The following WASF3 variants were observed in gnomAD, a reference collection of about 807,000 sequenced individuals.
The protein encoded by WASF3 is actin-binding protein WASF3.
Under a neutral mutation model 46.6 loss-of-function variants are expected in WASF3, and 11 were observed. The observed-to-expected ratio is 0.24, with a 90% CI of 0.15 to 0.39. WASF3 has a LOEUF of 0.39. Ranked by LOEUF, WASF3 falls within the 10% of genes least tolerant of loss-of-function variation. The pLI, the probability that WASF3 is intolerant of heterozygous loss-of-function variation, is 1.00. For missense variants in WASF3, 576 were observed against 669.8 expected (o/e 0.86, Z 1.55); for synonymous variants, 242 against 259.7 (o/e 0.93, Z 0.65).
intron 3 of WASF3, among the ~76,000 whole-genome samples, chr13:26,657,872 A>T (rs1157943483): frequency 6.6e-6 from 1 of 152,210 alleles, no homozygotes; most frequent in Non-Finnish European, 1.5e-5. Context: ...CTCTTCAGAC[A>T]CTTGTCAGCT....
At chr13:26,667,745 C>A in intron 5 of WASF3, 75 bp downstream of exon 5, 1 of 1,435,708 alleles carries the variant, frequency 7.0e-7, no homozygotes, top group South Asian at 1.4e-5. Flanking sequence ...CAAGCTGATG[C>A]ATTGTGTGGG....
chr13:26,661,321 C>T (rs967914613), intron 3 of WASF3, among the ~76,000 whole-genome samples: 11 of 152,336 alleles, frequency 7.2e-5, no homozygotes, highest in African/African-American at 2.2e-4. Flanking sequence ...TCTCCTGTCT[C>T]TATGAAATGG....
At chr13:26,674,826 T>C (rs1234003503) in intron 6 of WASF3, among the ~76,000 whole-genome samples, 1 of 152,252 alleles carries the variant, frequency 6.6e-6, no homozygotes, top group African/African-American at 2.4e-5. Context: ...AAAGATAGAA[T>C]TATATTGCCC....
intron 3 of WASF3, among the ~76,000 whole-genome samples, chr13:26,651,903 T>C (rs4255634): frequency 1.3e-5 from 2 of 152,194 alleles, no homozygotes; most frequent in African/African-American, 4.8e-5. Context: ...GAGTTAAGGG[T>C]ACATAGTATA....
At chr13:26,642,549 C>A in intron 3 of WASF3, 146 bp downstream of exon 3, 1 of 1,001,788 alleles carries the variant, frequency 1.0e-6, no homozygotes, top group Non-Finnish European at 1.4e-6. Context: ...TGAAATTGAC[C>A]ACTGCACCTG....
At chr13:26,633,596 T>C (rs1593160157) in intron 2 of WASF3, among the ~76,000 whole-genome samples, 1 of 152,368 alleles carries the variant, frequency 6.6e-6, no homozygotes, top group Non-Finnish European at 1.5e-5. Context: ...GTGTCGATTT[T>C]AGATCTTTCC....
At chr13:26,556,742 T>G (rs1879106007), upstream of WASF3, among the ~76,000 whole-genome samples, 1 of 152,244 alleles carries the variant, frequency 6.6e-6, no homozygotes. Flanking sequence ...ATTACACATC[T>G]GTAAAGAAAA....
chr13:26,636,385 G>A (rs754076682), intron 2 of WASF3, among the ~76,000 whole-genome samples: 6 of 152,318 alleles, frequency 3.9e-5, no homozygotes, highest in Admixed American at 3.3e-4. Flanking sequence ...GTATTTGGGC[G>A]GAAGTGCCCT....
chr13:26,649,208 C>T (rs1301819227), intron 3 of WASF3, among the ~76,000 whole-genome samples: 2 of 152,130 alleles, frequency 1.3e-5, no homozygotes, highest in Non-Finnish European at 2.9e-5. Flanking sequence ...TGGGAGTAAA[C>T]ATTCTCTGTT....
upstream of WASF3, among the ~76,000 whole-genome samples, chr13:26,554,111 C>CTT (rs1555245935): frequency 1.6e-5 from 2 of 122,528 alleles, no homozygotes; most frequent in African/African-American, 3.3e-5. Flanking sequence ...TTCTTTCTTT[C>CTT]TTTCTTTCTT....
At chr13:26,652,262 A>G (rs1234423255) in intron 3 of WASF3, among the ~76,000 whole-genome samples, 1 of 152,204 alleles carries the variant, frequency 6.6e-6, no homozygotes, top group South Asian at 2.1e-4. Flanking sequence ...ATGTCAGATA[A>G]AATAGAATAT....
intron 1 of WASF3, among the ~76,000 whole-genome samples, chr13:26,600,559 A>G (rs1167529715): frequency 6.6e-6 from 1 of 152,176 alleles, no homozygotes; most frequent in Non-Finnish European, 1.5e-5. Context: ...AATCCTGGTT[A>G]GCTTTTCATC....
At chr13:26,662,286 G>C (rs1296566737) in intron 3 of WASF3, among the ~76,000 whole-genome samples, 1 of 152,220 alleles carries the variant, frequency 6.6e-6, no homozygotes, top group African/African-American at 2.4e-5. Context: ...ATTCCGTCCA[G>C]CAATTCCATT....
chr13:26,661,972 G>A (rs1191171347), intron 3 of WASF3, among the ~76,000 whole-genome samples: 1 of 152,176 alleles, frequency 6.6e-6, no homozygotes, highest in Non-Finnish European at 1.5e-5. Flanking sequence ...CTACTGTGAG[G>A]AAGGGGGTGC....
intron 1 of WASF3, among the ~76,000 whole-genome samples, chr13:26,585,399 A>G (rs1880100245): frequency 6.6e-6 from 1 of 151,552 alleles, no homozygotes; most frequent in African/African-American, 2.4e-5. Flanking sequence ...CTTTGAGAAA[A>G]ATCATATGGT....
rs1269505142 is a variant in WASF3, at chr13:26,686,361, A to G, written c.*516A>G. 6.5e-6 allele frequency: 1 copy of G among 152,806 alleles called. No homozygotes were observed. The highest frequency in any genetic ancestry group is 1.5e-5 in the Non-Finnish European group (1 of 68,432). The allele number at this position is 152,806 out of a possible 1,614,324, so 9.5% of individuals were successfully genotyped here. On this transcript the variant is annotated 3_prime_UTR_variant, in exon 10 of 10. Transcript: ENST00000335327. ...AAGGTTCAACAAACAGGGAGAATCC[A>G]GTGTTTCTGCTTTCAGTTTCTTGGC... is the stretch of plus-strand genomic sequence containing the variant.
intron 5 of WASF3, 143 bp from the exon 6 acceptor site, chr13:26,671,729 T>TA: frequency 2.1e-6 from 1 of 483,136 alleles, no homozygotes; most frequent in South Asian, 5.5e-5. Flanking sequence ...TAAGGAAACT[T>TA]AAAGACTTAA....
At chr13:26,632,249 C>T (rs568776560) in intron 2 of WASF3, among the ~76,000 whole-genome samples, 32 of 152,182 alleles carry the variant, frequency 2.1e-4, no homozygotes, top group African/African-American at 3.9e-4. Context: ...TGTCTTGTGC[C>T]GGTTTTCAGA....
intron 1 of WASF3, among the ~76,000 whole-genome samples, chr13:26,582,074 TGA>T (rs1879994496): frequency 6.6e-6 from 1 of 152,262 alleles, no homozygotes; most frequent in Non-Finnish European, 1.5e-5. Flanking sequence ...AGTCTTTGCA[TGA>T]GTCTGATTTC....
Sources: gnomAD v4.1 joint callset for allele counts (sites outside exome capture counted in the v4.1 genomes callset) on GRCh38, gnomAD v4.1.1 for gene constraint, MANE v1.5 for transcripts, NCBI Gene and HGNC (gene_info 2026-07-23, HGNC 2026-07-21) for gene names.